Variants in DLGAP4 observed in about 807,000 individuals in gnomAD.
DLGAP4 encodes the protein disks large-associated protein 4.
In DLGAP4, 18 loss-of-function variants were observed where a neutral mutation model predicts 86.9. The ratio of observed to expected loss-of-function variants is 0.21; its 90% CI spans 0.14 to 0.31. The LOEUF is 0.31. Ranked by LOEUF, DLGAP4 falls within the 10% of genes least tolerant of loss-of-function variation. DLGAP4 has a pLI of 1.00. For synonymous variants in DLGAP4, 548 were observed against 574.3 expected (o/e 0.95, Z 0.65); for missense variants, 1,085 against 1,362.6 (o/e 0.80, Z 3.21).
At chr20:36,429,358 T>C (rs931348113) in intron 2 of DLGAP4, among the ~76,000 whole-genome samples, 3 of 150,418 alleles carry the variant, frequency 2.0e-5, no homozygotes, top group South Asian at 4.2e-4. Context: ...GGATTACAGA[T>C]ATGAGAAACC....
At chr20:36,507,086 T>C (rs936214981) in intron 10 of DLGAP4, among the ~76,000 whole-genome samples, 7 of 152,260 alleles carry the variant, frequency 4.6e-5, no homozygotes, top group African/African-American at 1.4e-4. Flanking sequence ...GGATTGCATC[T>C]ACCTTTTGGC....
rs554886921 is a variant in DLGAP4, at chr20:36,456,655, CTGAT to C, written c.1648+9720_1648+9723del. 1.3e-3 allele frequency among the ~76,000 whole-genome samples: 196 copies of C among 152,324 alleles called. 1 individual carries two copies. Among genetic ancestry groups the C allele is most frequent in the African/African-American group, 4.4e-3 (182 of 41,574 alleles). ...CACCAACCCTTGGACTACGACATGCCTGATTAATTGAGTGCCTACTGTGTGCTGA... is the reference window on the plus strand; with the variant it reads ...CACCAACCCTTGGACTACGACATGCCTAATTGAGTGCCTACTGTGTGCTGA... On this transcript the variant is annotated intron_variant, in intron 7 of 12. Transcript: ENST00000339266.
chr20:36,461,748 TCCGCCCGCCCGCCCGC>T (rs556566313), intron 7 of DLGAP4: 6 of 853,472 alleles, frequency 7.0e-6, no homozygotes, highest in African/African-American at 4.7e-5. Context: ...CGTCCGTCCG[TCCGCCCGCCCGCCCGC>T]CCGCCCGCGC....
intron 1 of DLGAP4, among the ~76,000 whole-genome samples, chr20:36,326,193 G>A (rs1199103674): frequency 2.6e-5 from 4 of 152,050 alleles, no homozygotes; most frequent in African/African-American, 7.3e-5. Context: ...CTGTTAAAGC[G>A]GTACTCAGGG....
At chr20:36,449,295 C>T (rs1281019790) in intron 7 of DLGAP4, among the ~76,000 whole-genome samples, 1 of 152,236 alleles carries the variant, frequency 6.6e-6, no homozygotes, top group African/African-American at 2.4e-5. Flanking sequence ...AGTCAGGCAT[C>T]TTGGGTAGAA....
chr20:36,447,437 G>A (rs2033622549), intron 7 of DLGAP4, among the ~76,000 whole-genome samples: 1 of 152,078 alleles, frequency 6.6e-6, no homozygotes, highest in Non-Finnish European at 1.5e-5. Flanking sequence ...TTTTGTTGTT[G>A]TTGAGACAGA....
intron 2 of DLGAP4, among the ~76,000 whole-genome samples, chr20:36,424,568 C>T (rs1600511452): frequency 6.6e-6 from 1 of 152,142 alleles, no homozygotes; most frequent in Admixed American, 6.6e-5. Flanking sequence ...CTCTTGGCAG[C>T]TGGGGTTGTG....
At chr20:36,385,015 T>C (rs991868033) in intron 2 of DLGAP4, among the ~76,000 whole-genome samples, 2 of 152,134 alleles carry the variant, frequency 1.3e-5, no homozygotes, top group African/African-American at 4.8e-5. Context: ...GACTTGAGTA[T>C]CTAATCCTGG....
intron 10 of DLGAP4, among the ~76,000 whole-genome samples, chr20:36,515,662 C>A (rs984394538): frequency 6.6e-6 from 1 of 152,174 alleles, no homozygotes; most frequent in African/African-American, 2.4e-5. Flanking sequence ...TAGCCTTAAG[C>A]AGTCCTCCTA....
intron 7 of DLGAP4, among the ~76,000 whole-genome samples, chr20:36,472,858 A>C (rs979110874): frequency 6.6e-6 from 1 of 151,964 alleles, no homozygotes; most frequent in South Asian, 2.1e-4. Context: ...CCTTTTCCCT[A>C]CCCACTCCCA....
At chr20:36,333,629 T>C (rs1490860655) in intron 1 of DLGAP4, among the ~76,000 whole-genome samples, 2 of 152,150 alleles carry the variant, frequency 1.3e-5, no homozygotes, top group Non-Finnish European at 2.9e-5. Flanking sequence ...GATTCAAATG[T>C]GTGGGTTGCT....
rs2147766147 is a variant in DLGAP4, at chr20:36,496,938, C to A, written c.1882C>A (p.Pro628Thr). The stretch of plus-strand genomic sequence containing the variant: ...CAGCGTGACACGGGGTGGAGTCGCC[C>A]CAGCCCCTGAGGCCCCAGAGCCACC... ...PPSVTRGGVA[P>T]APEAPEPPPK... Residue 628 changes from proline (P) to threonine (T), a missense_variant, in exon 8 of 13, where the codon CCA (proline) becomes ACA (threonine). Pro to Thr is a conservative substitution (Grantham distance 38). Transcript: ENST00000339266. The A allele has an allele frequency of 6.2e-7, 1 of 1,614,156 alleles. No individual in the cohort carries two copies. The highest frequency in any genetic ancestry group is 8.5e-7 in the Non-Finnish European group (1 of 1,180,034).
At chr20:36,340,821 G>A (rs1005066449) in intron 1 of DLGAP4, among the ~76,000 whole-genome samples, 4 of 152,198 alleles carry the variant, frequency 2.6e-5, no homozygotes, top group East Asian at 3.9e-4. Flanking sequence ...CAGGTGCTGC[G>A]ATCCAGCGGG....
chr20:36,427,031 T>C (rs78135953), intron 2 of DLGAP4, among the ~76,000 whole-genome samples: 28 of 147,204 alleles, frequency 1.9e-4, no homozygotes, highest in Non-Finnish European at 3.0e-4. Context: ...AAAAAAAAAA[T>C]GTTTTTTCTA....
chr20:36,447,784 T>C (rs1319555258), intron 7 of DLGAP4, among the ~76,000 whole-genome samples: 1 of 150,392 alleles, frequency 6.6e-6, no homozygotes, highest in African/African-American at 2.4e-5. Flanking sequence ...AAGGGGACCC[T>C]GTATAACTGA....
rs184917811 is a variant in DLGAP4, at chr20:36,323,811, G to A, written c.-304+17299G>A. Among the ~76,000 whole-genome samples the A allele has an allele frequency of 3.7e-3, 566 of 152,278 alleles. 11 individuals are homozygous for A. The highest frequency in any genetic ancestry group is 0.02 in the Admixed American group (307 of 15,282). ...CATGTAACCTAGATCCCCCGCATGCGTAGTTCACAGTAGGATTCGTACTCC... is the reference window on the plus strand; with the variant it reads ...CATGTAACCTAGATCCCCCGCATGCATAGTTCACAGTAGGATTCGTACTCC... On this transcript the variant is annotated intron_variant, in intron 1 of 12. Transcript: ENST00000339266.
chr20:36,448,008 G>A (rs977288456), intron 7 of DLGAP4, among the ~76,000 whole-genome samples: 3 of 147,300 alleles, frequency 2.0e-5, no homozygotes, highest in Admixed American at 6.9e-5. Flanking sequence ...CCACCGTGGC[G>A]CATGTATACC....
At chr20:36,419,977 C>G (rs1226744241) in intron 2 of DLGAP4, among the ~76,000 whole-genome samples, 2 of 151,156 alleles carry the variant, frequency 1.3e-5, no homozygotes, top group African/African-American at 2.4e-5. Flanking sequence ...GCAATATTCC[C>G]AGCAGGAGGA....
intron 10 of DLGAP4, among the ~76,000 whole-genome samples, chr20:36,523,955 G>A (rs146133812): frequency 1.5e-4 from 23 of 152,236 alleles, no homozygotes; most frequent in African/African-American, 4.8e-4. Context: ...GCCACTGTAC[G>A]CAGCCTCTCT....
Sources: gnomAD v4.1 joint callset for allele counts (sites outside exome capture counted in the v4.1 genomes callset) on GRCh38, gnomAD v4.1.1 for gene constraint, MANE v1.5 for transcripts, NCBI Gene and HGNC (gene_info 2026-07-23, HGNC 2026-07-21) for gene names.